FRAS1: variants seen among roughly 807,000 people sequenced by gnomAD.
FRAS1 encodes Fraser extracellular matrix complex subunit 1, also known as extracellular matrix organizing protein FRAS1.
FRAS1 carries 290 observed loss-of-function variants against 435.2 expected under a neutral mutation model. The observed-to-expected ratio is 0.67, with a 90% confidence interval of 0.61 to 0.73. The LOEUF (loss-of-function observed/expected upper bound fraction) is 0.73, where lower values mean the gene tolerates loss of function less well. Among genes scored for constraint, FRAS1 ranks in the 30% least tolerant of loss-of-function variants. FRAS1 has a pLI of 0.00. For synonymous variants in FRAS1, 1,800 were observed against 1,851.0 expected, an observed-to-expected ratio of 0.97 and a Z score of 0.71; for missense variants, 4,860 against 5,001.5, an observed-to-expected ratio of 0.97 and a Z score of 0.85.
intron 5 of FRAS1, among the ~76,000 whole-genome samples, chr4:78,255,003 T>G (rs1051168089): frequency 2.6e-5 from 4 of 152,096 alleles, no homozygotes; most frequent in African/African-American, 9.7e-5. Flanking sequence ...AGCTGAGAAC[T>G]CATCCCAGGA....
At chr4:78,429,046 CTGTGTGTGTGTGTGTGTCTCTG>C in intron 35 of FRAS1, 27 bp from the exon 36 acceptor site, 1 of 1,393,098 alleles carries the variant, frequency 7.2e-7, no homozygotes, top group Non-Finnish European at 9.9e-7. Flanking sequence ...GTGCGTGTCT[CTGTGTGTGTGTGTGTGTCTCTG>C]TGTGTGTGTG....
At chr4:78,399,741 T>C (rs1369683689) in intron 29 of FRAS1, among the ~76,000 whole-genome samples, 1 of 152,170 alleles carries the variant, frequency 6.6e-6, no homozygotes, top group Non-Finnish European at 1.5e-5. Context: ...GAATTTACCA[T>C]TGGATTTACC....
chr4:78,370,074 C>T, intron 23 of FRAS1, 90 bp downstream of exon 23: 2 of 1,249,948 alleles, frequency 1.6e-6, no homozygotes, highest in South Asian at 1.5e-5. Flanking sequence ...GGGAAAACAC[C>T]AGTCATCATA....
chr4:78,451,892 G>A lies in FRAS1; in HGVS notation c.6583+1G>A. 6.2e-7 allele frequency: 1 copy of A among 1,609,106 alleles called. No homozygotes were observed. Among genetic ancestry groups the A allele is most frequent in the Non-Finnish European group, 8.5e-7 (1 of 1,177,824 alleles). ...AAGTCATTTTCCATCAGCATTCTAG[G>A]TAAAGAGACATTTGATTTTCTAATA... On this transcript the variant is annotated splice_donor_variant, in intron 46 of 73. Transcript: ENST00000512123. LOFTEE classifies it high-confidence loss of function.
chr4:78,089,808 T>C (rs1269355286), intron 2 of FRAS1, among the ~76,000 whole-genome samples: 2 of 152,142 alleles, frequency 1.3e-5, no homozygotes, highest in Admixed American at 6.6e-5. Flanking sequence ...TTTTGTTACA[T>C]AGAGAAATCG....
At position 78,438,630 on chromosome 4, in the gene FRAS1, A is replaced by T. The variant is rs1219425273; in HGVS notation, c.5278A>T (p.Thr1760Ser). Reference protein sequence around the residue: ...IQLNYLPSYGTLLRISGSEVE... With the variant: ...IQLNYLPSYGSLLRISGSEVE... ...GTTAAATTATCTGCCCTCATATGGT[A>T]CTCTCTTAAGAATCTCAGGATCTGA... Residue 1760 changes from threonine to serine, a missense_variant, in exon 39 of 74, where the codon ACT (threonine) becomes TCT (serine). Thr to Ser is a moderately conservative substitution (Grantham distance 58). Coordinates refer to ENST00000512123, the MANE Select transcript of FRAS1 (RefSeq NM_025074.7). 1 of 1,613,438 alleles carries T rather than the reference A, an allele frequency of 6.2e-7. No individual in the cohort carries two copies. Among genetic ancestry groups the T allele is most frequent in the East Asian group, 2.2e-5 (1 of 44,888 alleles).
chr4:78,409,641 A>G (rs904553948), intron 31 of FRAS1, among the ~76,000 whole-genome samples: 6 of 152,254 alleles, frequency 3.9e-5, no homozygotes, highest in Non-Finnish European at 7.3e-5. Flanking sequence ...ATAAAGAATC[A>G]TACAGAAATA....
intron 29 of FRAS1, among the ~76,000 whole-genome samples, chr4:78,390,791 C>G (rs1029071258): frequency 6.6e-6 from 1 of 152,224 alleles, no homozygotes; most frequent in Non-Finnish European, 1.5e-5. Flanking sequence ...CATGTAAGTT[C>G]TTACCCTGTG....
intron 31 of FRAS1, among the ~76,000 whole-genome samples, chr4:78,410,120 C>G (rs1284412401): frequency 6.6e-6 from 1 of 152,140 alleles, no homozygotes; most frequent in African/African-American, 2.4e-5. Flanking sequence ...CAAAAGAAGT[C>G]ACCTCTGCAA....
intron 2 of FRAS1, among the ~76,000 whole-genome samples, chr4:78,161,646 G>C (rs1721140262): frequency 6.7e-6 from 1 of 149,606 alleles, no homozygotes; most frequent in Admixed American, 6.7e-5. Flanking sequence ...GAGTGTGTTG[G>C]GCATGCCTGC....
intron 9 of FRAS1, among the ~76,000 whole-genome samples, chr4:78,277,261 C>G (rs1212986139): frequency 6.6e-6 from 1 of 152,194 alleles, no homozygotes; most frequent in Non-Finnish European, 1.5e-5. Flanking sequence ...CCTTGCACTT[C>G]CCTGGTGAGG....
chr4:78,289,984 A>G (rs570819082), intron 14 of FRAS1, among the ~76,000 whole-genome samples: 35 of 152,208 alleles, frequency 2.3e-4, no homozygotes, highest in African/African-American at 7.9e-4. Context: ...TCCAGGTGGA[A>G]CTCGCCAGGT....
At chr4:78,076,333 A>G (rs1231373131) in intron 2 of FRAS1, among the ~76,000 whole-genome samples, 1 of 152,166 alleles carries the variant, frequency 6.6e-6, no homozygotes, top group African/African-American at 2.4e-5. Context: ...TTTGATATTG[A>G]TGTTCATAAT....
chr4:78,464,227 T>A, intron 48 of FRAS1, 82 bp downstream of exon 48: 5 of 1,499,970 alleles, frequency 3.3e-6, no homozygotes, highest in Non-Finnish European at 4.5e-6. Flanking sequence ...GAGTGACTGG[T>A]GAGAGAAGAG....
chr4:78,398,211 A>G (rs1195024190), intron 29 of FRAS1, among the ~76,000 whole-genome samples: 10 of 152,230 alleles, frequency 6.6e-5, no homozygotes, highest in Admixed American at 1.3e-4. Flanking sequence ...TTACCCTGTT[A>G]TAGACATAAA....
chr4:78,319,120 A>G, intron 18 of FRAS1, 134 bp downstream of exon 18: 2 of 872,762 alleles, frequency 2.3e-6, no homozygotes, highest in South Asian at 3.2e-5. Context: ...ATAAAGCAGG[A>G]GACCAACGTG....
chr4:78,424,324 C>A (rs1733914911), intron 34 of FRAS1, 64 bp from the exon 35 acceptor site: 4 of 830,238 alleles, frequency 4.8e-6, no homozygotes, highest in East Asian at 3.1e-5. Context: ...TTGTTTTGTA[C>A]CTTTCCTATC....
intron 14 of FRAS1, among the ~76,000 whole-genome samples, chr4:78,293,483 G>A (rs951944192): frequency 6.6e-6 from 1 of 152,136 alleles, no homozygotes; most frequent in Non-Finnish European, 1.5e-5. Context: ...GTGGCCTCAG[G>A]ATAATTACAG....
intron 2 of FRAS1, among the ~76,000 whole-genome samples, chr4:78,187,956 A>G (rs1722344977): frequency 6.6e-6 from 1 of 152,136 alleles, no homozygotes; most frequent in Non-Finnish European, 1.5e-5. Flanking sequence ...CGTCTGTTTC[A>G]GTACATCAGG....
Sources: allele counts gnomAD v4.1 joint callset (sites outside exome capture counted in the v4.1 genomes callset), GRCh38; gene constraint gnomAD v4.1.1; transcripts MANE v1.5; gene names NCBI Gene and HGNC (gene_info 2026-07-23, HGNC 2026-07-21).